VSNL1: variants seen among roughly 807,000 people sequenced by gnomAD.
VSNL1 encodes the protein visinin-like protein 1.
A neutral mutation model predicts 20.4 loss-of-function variants in VSNL1; 6 were observed. The observed-to-expected ratio is 0.29, with a 90% CI of 0.16 to 0.58. The LOEUF (loss-of-function observed/expected upper bound fraction) is 0.58, where lower values mean the gene tolerates loss of function less well. Among genes scored for constraint, VSNL1 ranks in the 20% least tolerant of loss-of-function variants. The probability of loss-of-function intolerance (pLI) is 0.90; values close to 1 mark genes in which losing one functional copy is unlikely to be tolerated. For synonymous variants in VSNL1, 93 were observed against 86.4 expected (o/e 1.08, Z -0.42); for missense variants, 100 against 234.5 (o/e 0.43, Z 3.75).
intron 1 of VSNL1, among the ~76,000 whole-genome samples, chr2:17,554,404 C>T (rs1316836232): frequency 3.9e-5 from 6 of 152,042 alleles, no homozygotes; most frequent in East Asian, 1.9e-4. Context: ...TGGATACCAC[C>T]GATTGTTATC....
chr2:17,564,172 C>G (rs1212517193), intron 1 of VSNL1, among the ~76,000 whole-genome samples: 1 of 152,080 alleles, frequency 6.6e-6, no homozygotes, highest in Admixed American at 6.5e-5. Context: ...TTCTTTTTTT[C>G]ACCCCCATTT....
chr2:17,619,296 G>T (rs976665203), intron 2 of VSNL1, among the ~76,000 whole-genome samples: 2 of 152,166 alleles, frequency 1.3e-5, no homozygotes, highest in African/African-American at 4.8e-5. Context: ...TACCCACATG[G>T]TGGAGGCCTG....
At position 17,580,337 on chromosome 2, in the gene VSNL1, C is replaced by T. The variant is rs1320524641; in HGVS notation, c.-5-11733C>T. Among the ~76,000 whole-genome samples the T allele has an allele frequency of 6.6e-5, 10 of 152,214 alleles. No homozygotes were observed. The South Asian group carries it at 1.9e-3, about 28-fold the overall frequency. On this transcript the variant is annotated intron_variant, in intron 1 of 3. Coordinates refer to ENST00000295156, the MANE Select transcript of VSNL1 (RefSeq NM_003385.5). ...CATCTCTGGTCAACCTTATCTGCTG[C>T]GTTTCCAGGAAATAAGGAAATGATT...
chr2:17,599,045 C>T (rs575869510), intron 2 of VSNL1, among the ~76,000 whole-genome samples: 72 of 152,344 alleles, frequency 4.7e-4, no homozygotes, highest in Middle Eastern at 6.8e-3. Flanking sequence ...TTGCAGTCCT[C>T]CTGAGCACTT....
intron 1 of VSNL1, among the ~76,000 whole-genome samples, chr2:17,550,526 G>C (rs1226402322): frequency 6.6e-6 from 1 of 152,172 alleles, no homozygotes; most frequent in African/African-American, 2.4e-5. Flanking sequence ...TCAAGCTCAC[G>C]TGTTTGCTCT....
At chr2:17,592,273 C>T (rs1211863688) in intron 2 of VSNL1, 37 bp downstream of exon 2, 3 of 1,603,460 alleles carry the variant, frequency 1.9e-6, no homozygotes, top group South Asian at 2.2e-5. Context: ...ATTCCTTAGG[C>T]CAGAAACTAT....
intron 1 of VSNL1, among the ~76,000 whole-genome samples, chr2:17,543,305 G>T (rs750270431): frequency 6.6e-6 from 1 of 152,208 alleles, no homozygotes; most frequent in Non-Finnish European, 1.5e-5. Flanking sequence ...TCCTGTTTGA[G>T]AACTGCCCAG....
At chr2:17,556,757 T>G (rs1334992765) in intron 1 of VSNL1, among the ~76,000 whole-genome samples, 1 of 152,160 alleles carries the variant, frequency 6.6e-6, no homozygotes, top group African/African-American at 2.4e-5. Context: ...CAGAGCCCAG[T>G]TCTGTGCTTA....
chr2:17,593,674 CTG>C (rs1307597441), intron 2 of VSNL1, among the ~76,000 whole-genome samples: 1 of 152,196 alleles, frequency 6.6e-6, no homozygotes, highest in Non-Finnish European at 1.5e-5. Flanking sequence ...TATACGATCA[CTG>C]TGACATTTCT....
chr2:17,655,751 A>C lies in VSNL1; in HGVS notation c.*357A>C, dbSNP rs1206817295. On this transcript the variant is annotated 3_prime_UTR_variant, in exon 4 of 4. Coordinates refer to ENST00000295156, the MANE Select transcript of VSNL1 (RefSeq NM_003385.5). The surrounding 1 kb of genome is among the most constrained non-coding windows in gnomAD (Gnocchi z 5.2). ...CTAATGCTCGTATCTCCTTGATTAC[A>C]TAATGTTAGTAGCACTGAGACCCCC... 2 of 228,842 alleles carry C rather than the reference A, an allele frequency of 8.7e-6. No homozygotes were observed. The highest frequency in any genetic ancestry group is 1.8e-5 in the Non-Finnish European group (2 of 113,500). The allele number at this position is 228,842 out of a possible 1,614,324, so 14.2% of individuals were successfully genotyped here. A position where few individuals can be genotyped will look rare whatever the true frequency, so the allele number is the denominator to read the frequency against.
chr2:17,579,519 A>G (rs1334252502), intron 1 of VSNL1, among the ~76,000 whole-genome samples: 5 of 152,190 alleles, frequency 3.3e-5, no homozygotes, highest in Admixed American at 3.3e-4. Context: ...CAATTTGCAA[A>G]CTGGCTCCAG....
At chr2:17,629,305 C>T (rs572141929) in intron 2 of VSNL1, among the ~76,000 whole-genome samples, 10 of 152,316 alleles carry the variant, frequency 6.6e-5, no homozygotes, top group Non-Finnish European at 1.3e-4. Context: ...TTCCGTGTTA[C>T]GTAGGGCAAC....
At chr2:17,598,721 G>C (rs1664763590) in intron 2 of VSNL1, among the ~76,000 whole-genome samples, 2 of 152,272 alleles carry the variant, frequency 1.3e-5, no homozygotes, top group South Asian at 2.1e-4. Flanking sequence ...TCCCAAGAAA[G>C]GATAAGAGTC....
intron 1 of VSNL1, among the ~76,000 whole-genome samples, chr2:17,560,328 T>TA (rs1410877440): frequency 6.6e-6 from 1 of 151,776 alleles, no homozygotes; most frequent in African/African-American, 2.4e-5. Flanking sequence ...TAGAGGTATT[T>TA]AAAAAAAGAG....
intron 2 of VSNL1, among the ~76,000 whole-genome samples, chr2:17,602,602 G>A (rs1280658195): frequency 6.6e-6 from 1 of 151,970 alleles, no homozygotes; most frequent in Non-Finnish European, 1.5e-5. Context: ...AATTAGCCAG[G>A]TATGGTGCAT....
intron 1 of VSNL1, among the ~76,000 whole-genome samples, chr2:17,570,861 A>T (rs146023258): frequency 8.8e-4 from 134 of 152,274 alleles, no homozygotes; most frequent in Admixed American, 2.6e-3. Flanking sequence ...CCTGGCCATG[A>T]TGGTGAAACC....
chr2:17,654,150 A>T (rs1310675469), intron 3 of VSNL1, among the ~76,000 whole-genome samples: 1 of 152,250 alleles, frequency 6.6e-6, no homozygotes, highest in Non-Finnish European at 1.5e-5. Context: ...GCTATTAATA[A>T]TACTGCTATG....
chr2:17,638,742 T>A (rs1409143619), intron 2 of VSNL1, among the ~76,000 whole-genome samples: 1 of 152,184 alleles, frequency 6.6e-6, no homozygotes, highest in Non-Finnish European at 1.5e-5. Context: ...TGAGATCTAG[T>A]CTCTAAGTTG....
rs550973676 is a variant in VSNL1 at position 17,616,274 on chromosome 2, A to G, written c.162+24038A>G. Among the ~76,000 whole-genome samples the G allele has an allele frequency of 1.1e-3, 171 of 152,368 alleles. No individual in the cohort carries two copies. In the Middle Eastern group the frequency reaches 0.017, roughly 15 times the overall value. On this transcript the variant is annotated intron_variant, in intron 2 of 3. Coordinates refer to ENST00000295156, the MANE Select transcript of VSNL1 (RefSeq NM_003385.5). ...AGGAACAAGGCACTCACATACTGTG[A>G]ACATCATCACAAGAGTGAAGCCCAG... is the stretch of plus-strand genomic sequence containing the variant.
Sources: allele counts gnomAD v4.1 joint callset (sites outside exome capture counted in the v4.1 genomes callset), GRCh38; gene constraint gnomAD v4.1.1; non-coding constraint Gnocchi (gnomAD v3.1); transcripts MANE v1.5; gene names NCBI Gene and HGNC (gene_info 2026-07-23, HGNC 2026-07-21).